FAM114A2: variants seen among roughly 807,000 people sequenced by gnomAD.
FAM114A2 encodes family with sequence similarity 114 member A2.
A neutral mutation model predicts 58.4 loss-of-function variants in FAM114A2; 53 were observed. The ratio of observed to expected loss-of-function variants is 0.91; its 90% confidence interval spans 0.73 to 1.14. The LOEUF is 1.14. FAM114A2 is among the 50% of genes most tolerant of loss of function. The pLI is 0.00. For synonymous variants in FAM114A2, 228 were observed against 211.4 expected, an observed-to-expected ratio of 1.08 and a Z score of -0.68; for missense variants, 601 against 581.1, an observed-to-expected ratio of 1.03 and a Z score of -0.35.
chr5:154,006,946 G>A (rs1770391950), intron 9 of FAM114A2, among the ~76,000 whole-genome samples: 1 of 151,922 alleles, frequency 6.6e-6, no homozygotes, highest in Admixed American at 6.6e-5. Flanking sequence ...ACAGGCACCT[G>A]CCACTGCGCC....
chr5:154,026,576 T>TC, intron 7 of FAM114A2, 54 bp from the exon 8 acceptor site: 1 of 1,264,554 alleles, frequency 7.9e-7, no homozygotes, highest in Non-Finnish European at 1.0e-6. Flanking sequence ...AAGAAAAACA[T>TC]TCACAAATAG....
Position 154,024,727 on chromosome 5 carries a change from C to A in FAM114A2, c.913+1672G>T, listed in dbSNP as rs1771667422. 3.3e-5 allele frequency among the ~76,000 whole-genome samples: 5 copies of A among 152,124 alleles called. No individual in the cohort carries two copies. The South Asian group carries it at 1.0e-3, about 31-fold the overall frequency. On this transcript the variant is annotated intron_variant, in intron 8 of 13. Coordinates refer to ENST00000351797, the MANE Select transcript of FAM114A2 (RefSeq NM_018691.4). ...TGAAACCATATCATAAAATTTTGTACACTAAATTAAAATCCATTAGGTCTT... is the reference window on the plus strand; with the variant it reads ...TGAAACCATATCATAAAATTTTGTAAACTAAATTAAAATCCATTAGGTCTT...
chr5:154,026,506 T>A lies in FAM114A2; in HGVS notation c.806A>T (p.Asn269Ile), dbSNP rs1771781825. Reference protein sequence around the residue: ...ESEIKVKSILNSLSGEELETL... With the variant: ...ESEIKVKSILISLSGEELETL... The stretch of plus-strand genomic sequence containing the variant: ...CTCTAATTCTTCTCCACTCAGAGAA[T>A]TAAGGATAGATTTCACCTGAATGGA... The change falls in exon 8 of 14, where the codon AAT (asparagine) becomes ATT (isoleucine). Residue 269 changes from asparagine (N) to isoleucine (I), a missense_variant. Physicochemically the swap from Asn to Ile is moderately radical, Grantham distance 149. Transcript: ENST00000351797. 1.3e-6 allele frequency: 2 copies of A among 1,531,786 alleles called. No homozygotes were observed. The highest frequency in any genetic ancestry group is 1.8e-6 in the Non-Finnish European group (2 of 1,140,874). The allele number at this position is 1,531,786 out of a possible 1,614,324, so 94.9% of individuals were successfully genotyped here.
chr5:154,020,035 C>G (rs1339680736), intron 8 of FAM114A2, among the ~76,000 whole-genome samples: 1 of 152,180 alleles, frequency 6.6e-6, no homozygotes, highest in African/African-American at 2.4e-5. Flanking sequence ...ACAACCTGCT[C>G]CTGAATGACC....
chr5:154,002,652 AAC>A (rs1210882702), intron 10 of FAM114A2, among the ~76,000 whole-genome samples, 193 bp downstream of exon 10: 1 of 152,156 alleles, frequency 6.6e-6, no homozygotes, highest in African/African-American at 2.4e-5. Context: ...CTCATGACAA[AAC>A]ACACGCGCAT....
Position 154,034,906 on chromosome 5 carries a change from G to C in FAM114A2, c.48C>G (p.Ala16=). ...DIETPLLTEA[A]PILEDGNCEP... ...CACAGTTTCCATCTTCAAGGATGGGGGCTGCTTCAGTTAGCAGTGGAGTCT... is the reference window on the plus strand; with the variant it reads ...CACAGTTTCCATCTTCAAGGATGGGCGCTGCTTCAGTTAGCAGTGGAGTCT... The change falls in exon 2 of 14, where the codon GCC becomes GCG. Residue 16 remains alanine, a synonymous_variant. Coordinates refer to ENST00000351797, the MANE Select transcript of FAM114A2 (RefSeq NM_018691.4). The C allele has an allele frequency of 6.2e-7, 1 of 1,613,874 alleles. No homozygotes were observed. Among genetic ancestry groups the C allele is most frequent in the South Asian group, 1.1e-5 (1 of 91,080 alleles).
Position 154,002,379 on chromosome 5 carries a change from C to T in FAM114A2, c.1128G>A (p.Ala376=), listed in dbSNP as rs766099452. ...GTTCAGCCAGGCTCCGGATTGCAAACGCATGGATATCCTGGATGGAAAAAC... is the reference window on the plus strand; with the variant it reads ...GTTCAGCCAGGCTCCGGATTGCAAATGCATGGATATCCTGGATGGAAAAAC... ...VNKNSIEDIH[A]FAIRSLAELT... is the part of the protein sequence containing the mutation. The change falls in exon 11 of 14, where the codon GCG becomes GCA. Residue 376 remains alanine (A), a synonymous_variant. Coordinates refer to ENST00000351797, the MANE Select transcript of FAM114A2 (RefSeq NM_018691.4). 6.8e-6 allele frequency: 11 copies of T among 1,613,606 alleles called. No individual in the cohort carries two copies. Among genetic ancestry groups the T allele is most frequent in the African/African-American group, 1.3e-5 (1 of 74,894 alleles).
chr5:154,006,796 A>ATTT (rs11318237), intron 9 of FAM114A2, among the ~76,000 whole-genome samples: 3 of 129,844 alleles, frequency 2.3e-5, no homozygotes, highest in Non-Finnish European at 3.3e-5. Flanking sequence ...CCCAAAGGAG[A>ATTT]TTTTTTTTTT....
chr5:153,991,356 T>C lies in FAM114A2; in HGVS notation c.*1620A>G, dbSNP rs1393361882. On this transcript the variant is annotated 3_prime_UTR_variant, in exon 14 of 14. Transcript: ENST00000351797. Reference sequence around the variant, plus strand: ...GGCAGAGTGACCAGTTTCTAAACTTTGCCCTCAAGGGATACAGGTTCAGAC... The same window carrying C: ...GGCAGAGTGACCAGTTTCTAAACTTCGCCCTCAAGGGATACAGGTTCAGAC... 6.6e-6 allele frequency: 1 copy of C among 152,214 alleles called. No homozygotes were observed. The highest frequency in any genetic ancestry group is 1.5e-5 in the Non-Finnish European group (1 of 68,034). 9.4% of individuals were successfully genotyped at this position (152,214 alleles called of 1,614,324 possible). A position where few individuals can be genotyped will look rare whatever the true frequency, so the allele number is the denominator to read the frequency against.
chr5:154,029,603 A>AG lies in FAM114A2; in HGVS notation c.404-24_404-23insC, dbSNP rs1290984717. On this transcript the variant is annotated intron_variant, in intron 4 of 13. Transcript: ENST00000351797. ...CTCCTACAAGAGGGAGGGGATGTGT[A>AG]AACATGAAGGGAAGGTCCCTTAACT... The AG allele has an allele frequency of 2.9e-6, 4 of 1,356,548 alleles. No homozygotes were observed. In the South Asian group the frequency reaches 3.5e-5, roughly 12 times the overall value. 84.0% of individuals were successfully genotyped at this position (1,356,548 alleles called of 1,614,324 possible). A position where few individuals can be genotyped will look rare whatever the true frequency, so the allele number is the denominator to read the frequency against.
intron 9 of FAM114A2, among the ~76,000 whole-genome samples, chr5:154,010,795 G>A (rs558986884): frequency 3.3e-5 from 5 of 152,192 alleles, no homozygotes; most frequent in African/African-American, 9.6e-5. Flanking sequence ...ATTTCCACAC[G>A]CCAAATAGTC....
intron 9 of FAM114A2, among the ~76,000 whole-genome samples, chr5:154,003,179 A>ATTT (rs1169742842): frequency 6.9e-6 from 1 of 144,806 alleles, no homozygotes; most frequent in African/African-American, 2.6e-5. Flanking sequence ...AATTGGTAGT[A>ATTT]TTTTTTTTTT....
At chr5:154,037,198 G>A (rs1157663774) in intron 1 of FAM114A2, 2 of 152,264 alleles carry the variant, frequency 1.3e-5, no homozygotes, top group Non-Finnish European at 2.9e-5. Flanking sequence ...AACATGGACA[G>A]TTACAGTAGG....
At chr5:154,030,383 C>T (rs57729165) in intron 4 of FAM114A2, among the ~76,000 whole-genome samples, 5,735 of 152,266 alleles carry the variant, frequency 0.038, 278 homozygotes, top group African/African-American at 0.11. Flanking sequence ...CCACTTCTAG[C>T]ATGATGGATT....
intron 4 of FAM114A2, among the ~76,000 whole-genome samples, chr5:154,030,350 A>T (rs2113479520): frequency 6.6e-6 from 1 of 152,362 alleles, no homozygotes; most frequent in Non-Finnish European, 1.5e-5. Context: ...TTTCAGTATT[A>T]TCAAATATTA....
chr5:153,996,569 TAA>T (rs199965680), intron 12 of FAM114A2, among the ~76,000 whole-genome samples: 87,727 of 143,000 alleles, frequency 0.61, 26,814 homozygotes, highest in East Asian at 0.87. Context: ...CTAGGAAAAT[TAA>T]AAAAAAAAAA....
chr5:153,994,791 A>G, intron 13 of FAM114A2, 128 bp downstream of exon 13: 1 of 636,992 alleles, frequency 1.6e-6, no homozygotes, highest in South Asian at 1.9e-5. Flanking sequence ...TATTTCTGTC[A>G]TATCTACATC....
Position 154,002,379 on chromosome 5 carries a change from C to A in FAM114A2, c.1128G>T (p.Ala376=), listed in dbSNP as rs766099452. 1 of 1,613,724 alleles carries A rather than the reference C, an allele frequency of 6.2e-7. No individual in the cohort carries two copies. The highest frequency in any genetic ancestry group is 1.1e-5 in the South Asian group (1 of 91,034). ...VNKNSIEDIH[A]FAIRSLAELT... is the part of the protein sequence containing the mutation. ...GTTCAGCCAGGCTCCGGATTGCAAA[C>A]GCATGGATATCCTGGATGGAAAAAC... The change falls in exon 11 of 14, where the codon GCG becomes GCT. Residue 376 remains alanine (A), a synonymous_variant. Coordinates refer to ENST00000351797, the MANE Select transcript of FAM114A2 (RefSeq NM_018691.4).
chr5:154,019,283 T>C (rs997506541), intron 8 of FAM114A2, among the ~76,000 whole-genome samples: 1 of 152,062 alleles, frequency 6.6e-6, no homozygotes, highest in Non-Finnish European at 1.5e-5. Context: ...TCAACCTCTT[T>C]TACAATAGCT....
Sources: allele counts gnomAD v4.1 joint callset (sites outside exome capture counted in the v4.1 genomes callset), GRCh38; gene constraint gnomAD v4.1.1; transcripts MANE v1.5; gene names NCBI Gene and HGNC (gene_info 2026-07-23, HGNC 2026-07-21).